The following ITGB3 variants were observed in gnomAD, a reference collection of about 807,000 sequenced individuals.
ITGB3 encodes the protein integrin subunit beta 3.
In ITGB3, 48 loss-of-function variants were observed where a neutral mutation model predicts 85.8. The ratio of observed to expected loss-of-function variants is 0.56; its 90% CI spans 0.44 to 0.71. ITGB3 has a LOEUF of 0.71. Among genes scored for constraint, ITGB3 ranks in the 30% least tolerant of loss-of-function variants. ITGB3 has a pLI of 0.00. For missense variants in ITGB3, 861 were observed against 1,019.1 expected (o/e 0.84, Z 2.11); for synonymous variants, 363 against 395.6 (o/e 0.92, Z 0.98).
intron 12 of ITGB3, among the ~76,000 whole-genome samples, chr17:47,301,166 A>AT (rs1458901240): frequency 6.6e-6 from 1 of 152,196 alleles, no homozygotes; most frequent in East Asian, 1.9e-4. Flanking sequence ...CTTGCCTGCA[A>AT]TTATTCTTGA....
chr17:47,271,814 C>A (rs535155055), intron 1 of ITGB3, among the ~76,000 whole-genome samples: 1 of 151,974 alleles, frequency 6.6e-6, no homozygotes, highest in South Asian at 2.1e-4. Context: ...GGCATGATAT[C>A]GGCTCACTGT....
chr17:47,266,775 T>C (rs2065027214), intron 1 of ITGB3, among the ~76,000 whole-genome samples: 1 of 151,872 alleles, frequency 6.6e-6, no homozygotes. Context: ...GAGATGGGGG[T>C]CTCACTATGT....
intron 1 of ITGB3, among the ~76,000 whole-genome samples, chr17:47,269,970 GGA>G (rs1160814181): frequency 6.6e-6 from 1 of 152,210 alleles, no homozygotes; most frequent in Non-Finnish European, 1.5e-5. Flanking sequence ...TGGTGGAAGG[GGA>G]AGCAAACACA....
At chr17:47,286,171 T>G in intron 4 of ITGB3, 89 bp from the exon 5 acceptor site, 1 of 1,445,394 alleles carries the variant, frequency 6.9e-7, no homozygotes, top group Non-Finnish European at 9.7e-7. Flanking sequence ...CATACCACTA[T>G]CTATATTTGT....
chr17:47,277,066 A>G (rs1843538515), intron 2 of ITGB3, among the ~76,000 whole-genome samples: 1 of 152,090 alleles, frequency 6.6e-6, no homozygotes, highest in Non-Finnish European at 1.5e-5. Context: ...GCCAACGTGG[A>G]TGAGCACGGA....
At chr17:47,307,002 A>C (rs1286950366) in intron 13 of ITGB3, among the ~76,000 whole-genome samples, 1 of 152,156 alleles carries the variant, frequency 6.6e-6, no homozygotes, top group African/African-American at 2.4e-5. Flanking sequence ...TTTTTTAAAA[A>C]ACTTTTATTT....
intron 13 of ITGB3, chr17:47,303,607 G>C (rs2065175634): frequency 6.6e-6 from 1 of 152,406 alleles, no homozygotes; most frequent in African/African-American, 2.4e-5. Context: ...GTTTACTGCA[G>C]GATGTAGGGA....
At chr17:47,254,204 C>T (rs1254677112) in intron 1 of ITGB3, among the ~76,000 whole-genome samples, 1 of 152,094 alleles carries the variant, frequency 6.6e-6, no homozygotes, top group Non-Finnish European at 1.5e-5. Flanking sequence ...TTCCCGGCCG[C>T]CGCGGCGCGC....
Position 47,289,790 on chromosome 17 carries a change from C to T in ITGB3, c.1035+14C>T, listed in dbSNP as rs374851790. The T allele has an allele frequency of 7.6e-5, 121 of 1,600,282 alleles. No individual in the cohort carries two copies. Among genetic ancestry groups the T allele is most frequent in the Non-Finnish European group, 9.6e-5 (112 of 1,167,478 alleles). On this transcript the variant is annotated intron_variant, in intron 7 of 14. Coordinates refer to ENST00000559488, the MANE Select transcript of ITGB3 (RefSeq NM_000212.3). ...AATCTCTATCAGGTGACTGTGCCTTCGGGCTTCCTGGAGTGGGCCCTGTGA... is the reference window on the plus strand; with the variant it reads ...AATCTCTATCAGGTGACTGTGCCTTTGGGCTTCCTGGAGTGGGCCCTGTGA...
At chr17:47,262,967 G>A (rs1267396642) in intron 1 of ITGB3, among the ~76,000 whole-genome samples, 2 of 152,200 alleles carry the variant, frequency 1.3e-5, no homozygotes, top group Non-Finnish European at 2.9e-5. Context: ...CTTGGCCGAT[G>A]TGGCTGGTTA....
chr17:47,310,180 C>G lies in ITGB3; in HGVS notation c.2343C>G (p.Thr781=). ...ATAAAGAGGCCACGTCTACCTTCACCAATATCACGTACCGGGGCACTTAAT... is the reference window on the plus strand; with the variant it reads ...ATAAAGAGGCCACGTCTACCTTCACGAATATCACGTACCGGGGCACTTAAT... ...PLYKEATSTF[T]NITYRGT is the part of the protein sequence containing the mutation. Residue 781 remains threonine, a synonymous_variant, in exon 15 of 15, where the codon ACC becomes ACG. Transcript: ENST00000559488. 1 of 1,613,994 alleles carries G rather than the reference C, an allele frequency of 6.2e-7. No homozygotes were observed. The highest frequency in any genetic ancestry group is 8.5e-7 in the Non-Finnish European group (1 of 1,179,940).
At chr17:47,276,218 A>C (rs1019951915) in intron 2 of ITGB3, among the ~76,000 whole-genome samples, 22 of 152,146 alleles carry the variant, frequency 1.4e-4, no homozygotes, top group African/African-American at 3.4e-4. Flanking sequence ...GAATCTGGGG[A>C]AAAAGAAAAC....
At chr17:47,263,626 A>G (rs2065016194) in intron 1 of ITGB3, among the ~76,000 whole-genome samples, 1 of 152,054 alleles carries the variant, frequency 6.6e-6, no homozygotes, top group Non-Finnish European at 1.5e-5. Context: ...AGTAGCTGGG[A>G]TTACAGGTGC....
chr17:47,261,854 T>C (rs2065009805), intron 1 of ITGB3, among the ~76,000 whole-genome samples: 1 of 152,240 alleles, frequency 6.6e-6, no homozygotes, highest in Non-Finnish European at 1.5e-5. Flanking sequence ...AGGCATCTTT[T>C]TATGTCAGTT....
In ITGB3 at chr17:47,285,156, T is replaced by C. The variant is rs551701254; in HGVS notation, c.614+461T>C. Among the ~76,000 whole-genome samples, 18 of 152,344 alleles carry C rather than the reference T, an allele frequency of 1.2e-4. No individual in the cohort carries two copies. The South Asian group carries it at 3.3e-3, about 28-fold the overall frequency. ...AGTGGAAATGACATTTGTTGGACAC[T>C]TTTATAGTCTGTAAATGGATAACTT... On this transcript the variant is annotated intron_variant, in intron 4 of 14. Transcript: ENST00000559488.
At chr17:47,278,592 A>AT (rs2065071979) in intron 2 of ITGB3, among the ~76,000 whole-genome samples, 1 of 152,184 alleles carries the variant, frequency 6.6e-6, no homozygotes, top group Admixed American at 6.5e-5. Flanking sequence ...TAAAAAAAAA[A>AT]AAAGAGTCAC....
chr17:47,305,367 G>A (rs2065183628), intron 13 of ITGB3, among the ~76,000 whole-genome samples: 3 of 152,184 alleles, frequency 2.0e-5, no homozygotes, highest in African/African-American at 7.2e-5. Context: ...TTTGTGGTGT[G>A]TGTGGTGAGC....
intron 7 of ITGB3, 83 bp downstream of exon 7, chr17:47,289,859 A>G: frequency 1.0e-6 from 1 of 968,004 alleles, no homozygotes. Context: ...CATTGGATAC[A>G]GTCCCCAATC....
At chr17:47,303,186 G>A (rs901931505) in intron 13 of ITGB3, among the ~76,000 whole-genome samples, 14 of 152,064 alleles carry the variant, frequency 9.2e-5, no homozygotes, top group Non-Finnish European at 1.5e-4. Context: ...GGAGGCACAG[G>A]TTGCAGTGAG....
Sources: gnomAD v4.1 joint callset for allele counts (sites outside exome capture counted in the v4.1 genomes callset) on GRCh38, gnomAD v4.1.1 for gene constraint, MANE v1.5 for transcripts, NCBI Gene and HGNC (gene_info 2026-07-23, HGNC 2026-07-21) for gene names.